The following POLK variants were observed in gnomAD, a reference collection of about 807,000 sequenced individuals.
POLK encodes the protein polymerase (DNA directed) kappa.
A neutral mutation model predicts 94.0 loss-of-function variants in POLK; 76 were observed. The observed-to-expected ratio is 0.81, with a 90% CI of 0.67 to 0.98. The LOEUF (loss-of-function observed/expected upper bound fraction) is 0.98. Among genes scored for constraint, POLK ranks in the 50% least tolerant of loss-of-function variants. The probability of loss-of-function intolerance (pLI) is 0.00; values close to 1 mark genes in which losing one functional copy is unlikely to be tolerated. For missense variants in POLK, 954 were observed against 1,010.1 expected (o/e 0.94, Z 0.75); for synonymous variants, 349 against 325.4 (o/e 1.07, Z -0.78).
chr5:75,559,779 A>C (rs896578924), intron 3 of POLK, among the ~76,000 whole-genome samples: 1 of 151,426 alleles, frequency 6.6e-6, no homozygotes, highest in Non-Finnish European at 1.5e-5. Context: ...GCCTCAAGCT[A>C]CCCTTCCACT....
At chr5:75,515,409 TC>T (rs1275395650) in intron 1 of POLK, among the ~76,000 whole-genome samples, 1 of 152,134 alleles carries the variant, frequency 6.6e-6, no homozygotes, top group Non-Finnish European at 1.5e-5. Flanking sequence ...TGCCTTGGCC[TC>T]CCAAAGTGTT....
At chr5:75,520,022 T>G (rs1242923696) in intron 1 of POLK, among the ~76,000 whole-genome samples, 1 of 152,234 alleles carries the variant, frequency 6.6e-6, no homozygotes, top group Non-Finnish European at 1.5e-5. Context: ...TGCTGTTTAT[T>G]TTTAGTGTAT....
rs78045948 is a variant in POLK, at chr5:75,570,765, A to C, written c.408+1273A>C. 1.8e-4 allele frequency among the ~76,000 whole-genome samples: 27 copies of C among 152,306 alleles called. No individual in the cohort carries two copies. In the East Asian group the frequency reaches 5.2e-3, roughly 29 times the overall value. On this transcript the variant is annotated intron_variant, in intron 4 of 14. Transcript: ENST00000241436. ...TAAAAAGTATTAGAAAAACAAGAAG[A>C]GTTCTTCCCTGTTCCTAACTCCTTC...
chr5:75,589,388 TACAC>T (rs71600465), intron 10 of POLK, among the ~76,000 whole-genome samples: 10,445 of 128,236 alleles, frequency 0.081, 440 homozygotes, highest in South Asian at 0.13. Flanking sequence ...TATACACACA[TACAC>T]ACACACACAC....
intron 3 of POLK, among the ~76,000 whole-genome samples, chr5:75,559,193 A>G (rs1770810245): frequency 1.3e-5 from 2 of 152,198 alleles, no homozygotes; most frequent in African/African-American, 4.8e-5. Context: ...TCTATTTTAG[A>G]GTCTTAAAAT....
At chr5:75,583,371 A>G in exon 8 of POLK, 2 of 1,605,894 alleles carry the variant, frequency 1.2e-6, no homozygotes, top group Non-Finnish European at 1.7e-6. Flanking sequence ...ATTCTTCCCA[A>G]TAGACAAGCT....
chr5:75,511,275 C>T (rs1417532428), upstream of POLK: 7 of 1,586,308 alleles, frequency 4.4e-6, no homozygotes, highest in Admixed American at 1.8e-5. Flanking sequence ...GGCGCCCAGT[C>T]CTCGGGGTGA....
exon 7 of POLK, chr5:75,581,382 G>C (rs1204047953): frequency 1.9e-6 from 3 of 1,613,374 alleles, no homozygotes; most frequent in Admixed American, 3.3e-5. Flanking sequence ...TGGAACATCA[G>C]CCCAGGAAGT....
chr5:75,521,353 T>A (rs1204355015), intron 1 of POLK, among the ~76,000 whole-genome samples: 1 of 152,176 alleles, frequency 6.6e-6, no homozygotes, highest in African/African-American at 2.4e-5. Context: ...GATTGTTTTT[T>A]TCTGCTTGAT....
At chr5:75,568,368 G>A (rs1444910269) in intron 3 of POLK, among the ~76,000 whole-genome samples, 1 of 152,080 alleles carries the variant, frequency 6.6e-6, no homozygotes, top group African/African-American at 2.4e-5. Flanking sequence ...CTATTACACA[G>A]CCACCTCCAG....
In POLK at chr5:75,569,703, T is replaced by C. The variant is rs577507861; in HGVS notation, c.408+211T>C. ...TTCACAGATTGGTATTGGTCCATGG[T>C]CTGTTAGGAACTGGGCCTCACAACA... is the stretch of plus-strand genomic sequence containing the variant. On this transcript the variant is annotated intron_variant, in intron 4 of 14. Coordinates refer to ENST00000241436, the Ensembl canonical transcript of POLK. Among the ~76,000 whole-genome samples the C allele has an allele frequency of 2.0e-5, 3 of 152,272 alleles. No homozygotes were observed. In the East Asian group the frequency reaches 5.8e-4, roughly 29 times the overall value.
chr5:75,594,116 G>A, intron 12 of POLK, 67 bp downstream of exon 12: 2 of 1,205,404 alleles, frequency 1.7e-6, no homozygotes, highest in South Asian at 3.1e-5. Context: ...TCAACTTTGG[G>A]AATACAGGGG....
intron 1 of POLK, among the ~76,000 whole-genome samples, chr5:75,531,287 T>C (rs1769167306): frequency 6.7e-6 from 1 of 148,430 alleles, no homozygotes; most frequent in Non-Finnish European, 1.5e-5. Context: ...ATTGTTTATA[T>C]ACTATGTATA....
chr5:75,543,768 AT>A (rs752288736), intron 1 of POLK, among the ~76,000 whole-genome samples: 23 of 152,298 alleles, frequency 1.5e-4, no homozygotes, highest in Non-Finnish European at 3.1e-4. Context: ...TTGTCCCAGG[AT>A]TGCCCATAGC....
At position 75,547,168 on chromosome 5, in the gene POLK, T is replaced by C; in HGVS notation, c.135+11T>C. 1 of 1,496,998 alleles carries C rather than the reference T, an allele frequency of 6.7e-7. No homozygotes were observed. Among genetic ancestry groups the C allele is most frequent in the Non-Finnish European group, 9.1e-7 (1 of 1,101,948 alleles). 92.7% of individuals were successfully genotyped at this position (1,496,998 alleles called of 1,614,324 possible). On this transcript the variant is annotated intron_variant, in intron 2 of 14. Coordinates refer to ENST00000241436, the Ensembl canonical transcript of POLK. The stretch of plus-strand genomic sequence containing the variant: ...ATGGAAGCCACGAAGGTATGTTTCT[T>C]GTTTCTTTTGATGTGTGTAATTTAA...
At chr5:75,597,223 G>T (rs773193180) in intron 13 of POLK, 45 bp downstream of exon 13, 1 of 946,466 alleles carries the variant, frequency 1.1e-6, no homozygotes, top group South Asian at 1.6e-5. Context: ...CTAGGAATAT[G>T]TATTATTAAA....
chr5:75,579,374 T>A (rs570828032), intron 6 of POLK, among the ~76,000 whole-genome samples: 7 of 152,088 alleles, frequency 4.6e-5, no homozygotes, highest in African/African-American at 7.2e-5. Context: ...TTTTTTATTT[T>A]TTTTTATTTT....
chr5:75,547,027 A>G (rs1178249730), exon 2 of POLK: 1 of 1,501,052 alleles, frequency 6.7e-7, no homozygotes, highest in Non-Finnish European at 9.0e-7. Flanking sequence ...TATACCATGG[A>G]TAGCACAAAG....
chr5:75,594,196 TCAGTA>T, intron 12 of POLK, 147 bp downstream of exon 12: 2 of 596,212 alleles, frequency 3.4e-6, no homozygotes, highest in Non-Finnish European at 6.0e-6. Flanking sequence ...CTGTATGCTT[TCAGTA>T]CACTCTTGAC....
Sources: allele counts gnomAD v4.1 joint callset (sites outside exome capture counted in the v4.1 genomes callset), GRCh38; gene constraint gnomAD v4.1.1; transcripts MANE v1.5; gene names NCBI Gene and HGNC (gene_info 2026-07-23, HGNC 2026-07-21).